The following IGSF11 variants were observed in gnomAD, a reference collection of about 807,000 sequenced individuals.
IGSF11 encodes the protein immunoglobulin superfamily member 11.
A neutral mutation model predicts 41.0 loss-of-function variants in IGSF11; 22 were observed. The observed-to-expected ratio is 0.54, with a 90% confidence interval of 0.38 to 0.77. The LOEUF is 0.77. Among genes scored for constraint, IGSF11 ranks in the 30% least tolerant of loss-of-function variants. The pLI, the probability that IGSF11 is intolerant of heterozygous loss-of-function variation, is 0.00. For synonymous variants in IGSF11, 219 were observed against 201.3 expected (o/e 1.09, Z -0.74); for missense variants, 444 against 530.8 (o/e 0.84, Z 1.61).
At chr3:119,011,120 G>A (rs909909833) in intron 1 of IGSF11, among the ~76,000 whole-genome samples, 5 of 152,174 alleles carry the variant, frequency 3.3e-5, no homozygotes, top group African/African-American at 1.2e-4. Flanking sequence ...GAGGGCTCTG[G>A]CAAGTGACCA....
At chr3:119,124,266 CTTTTTTT>C (rs567233919) in intron 1 of IGSF11, among the ~76,000 whole-genome samples, 9 of 79,480 alleles carry the variant, frequency 1.1e-4, no homozygotes, top group Non-Finnish European at 9.6e-5. Flanking sequence ...ACATCAGAGC[CTTTTTTT>C]TTTTTTTTTT....
chr3:118,920,870 AC>A (rs1324939810), intron 4 of IGSF11, among the ~76,000 whole-genome samples: 1 of 152,136 alleles, frequency 6.6e-6, no homozygotes, highest in East Asian at 1.9e-4. Flanking sequence ...ATACCCTAAC[AC>A]CTGCAATATA....
intron 4 of IGSF11, among the ~76,000 whole-genome samples, chr3:118,916,951 T>A (rs1394353769): frequency 6.6e-6 from 1 of 151,932 alleles, no homozygotes; most frequent in African/African-American, 2.4e-5. Context: ...GGATTAAGAA[T>A]CTCACTCAAA....
chr3:118,976,486 C>T (rs2107627897), intron 1 of IGSF11, among the ~76,000 whole-genome samples: 1 of 152,290 alleles, frequency 6.6e-6, no homozygotes, highest in South Asian at 2.1e-4. Flanking sequence ...CACCTACTTC[C>T]CAGTATCTCA....
intron 1 of IGSF11, among the ~76,000 whole-genome samples, chr3:119,142,594 G>T (rs1407111486): frequency 6.6e-6 from 1 of 152,090 alleles, no homozygotes; most frequent in African/African-American, 2.4e-5. Context: ...TAGAGCCTCA[G>T]AGACCTATAA....
At chr3:119,079,174 A>G (rs149118571) in intron 1 of IGSF11, among the ~76,000 whole-genome samples, 6 of 152,258 alleles carry the variant, frequency 3.9e-5, no homozygotes, top group East Asian at 1.9e-4. Context: ...CCTGATCAAC[A>G]TGGTGAAATC....
At position 118,961,563 on chromosome 3, in the gene IGSF11, G is replaced by GA. The variant is rs538107000; in HGVS notation, c.53-31289dup. ...CAGTGAATAAGTTAGAAATTGCATA[G>GA]AAAAATAAACTCTAAAAACATAGGA... On this transcript the variant is annotated intron_variant, in intron 1 of 6. Coordinates refer to ENST00000393775, the MANE Select transcript of IGSF11 (RefSeq NM_001015887.3). Among the ~76,000 whole-genome samples the GA allele has an allele frequency of 4.6e-5, 7 of 152,218 alleles. No homozygotes were observed. In the South Asian group the frequency reaches 1.5e-3, roughly 32 times the overall value.
chr3:119,046,798 T>G (rs953414823), intron 1 of IGSF11, among the ~76,000 whole-genome samples: 1 of 151,802 alleles, frequency 6.6e-6, no homozygotes, highest in Non-Finnish European at 1.5e-5. Context: ...AGCGGATCTC[T>G]CGGCAGAAAC....
intron 4 of IGSF11, among the ~76,000 whole-genome samples, chr3:118,917,350 T>G (rs1451774174): frequency 6.7e-6 from 1 of 150,108 alleles, no homozygotes; most frequent in Non-Finnish European, 1.5e-5. Context: ...ACAAAATTGA[T>G]AGACCACTAG....
intron 1 of IGSF11, among the ~76,000 whole-genome samples, chr3:118,939,382 C>T (rs1331596384): frequency 2.0e-5 from 3 of 151,930 alleles, no homozygotes; most frequent in African/African-American, 7.3e-5. Flanking sequence ...TCAAGACCAG[C>T]CTGGCCAACA....
At chr3:119,039,274 G>C (rs1343190296), upstream of IGSF11, among the ~76,000 whole-genome samples, 3 of 152,208 alleles carry the variant, frequency 2.0e-5, no homozygotes, top group Non-Finnish European at 4.4e-5. Context: ...GGACAAGGCT[G>C]TGTTCCTTTC....
At chr3:119,062,139 C>G (rs1942073422) in intron 1 of IGSF11, among the ~76,000 whole-genome samples, 1 of 152,074 alleles carries the variant, frequency 6.6e-6, no homozygotes, top group South Asian at 2.1e-4. Context: ...CCTGGCAAGT[C>G]TGATTAGCTG....
intron 1 of IGSF11, among the ~76,000 whole-genome samples, chr3:118,987,157 C>T (rs985192926): frequency 2.6e-5 from 4 of 152,204 alleles, no homozygotes; most frequent in African/African-American, 4.8e-5. Context: ...GGTGCTTCCA[C>T]ATTTTGGTAT....
chr3:119,023,631 A>G (rs975929693), intron 1 of IGSF11, among the ~76,000 whole-genome samples: 2 of 152,222 alleles, frequency 1.3e-5, no homozygotes, highest in African/African-American at 4.8e-5. Flanking sequence ...TACATGAAGT[A>G]GAAGAAAAAG....
chr3:118,953,905 A>AG (rs1363068763), intron 1 of IGSF11, among the ~76,000 whole-genome samples: 2 of 152,074 alleles, frequency 1.3e-5, no homozygotes, highest in Non-Finnish European at 2.9e-5. Flanking sequence ...TTTTAGTTTA[A>AG]TTAAGTCCCA....
intron 1 of IGSF11, among the ~76,000 whole-genome samples, chr3:119,125,079 A>T (rs1410772237): frequency 6.6e-6 from 1 of 152,252 alleles, no homozygotes; most frequent in Non-Finnish European, 1.5e-5. Context: ...TTCAAACATG[A>T]AGGAAAAATA....
At chr3:119,026,075 C>A (rs1939793472) in intron 1 of IGSF11, among the ~76,000 whole-genome samples, 1 of 152,036 alleles carries the variant, frequency 6.6e-6, no homozygotes, top group Admixed American at 6.6e-5. Context: ...TCGAGACCAG[C>A]CTGACCAACA....
At chr3:118,954,213 G>T (rs990807362) in intron 1 of IGSF11, among the ~76,000 whole-genome samples, 4 of 152,078 alleles carry the variant, frequency 2.6e-5, no homozygotes, top group African/African-American at 7.2e-5. Context: ...TCAGGTGGTT[G>T]TAAGTATTTG....
rs532784005 is a variant in IGSF11 at position 118,954,387 on chromosome 3, G to C, written c.53-24112C>G. Among the ~76,000 whole-genome samples the C allele has an allele frequency of 3.9e-5, 6 of 152,136 alleles. 1 individual carries two copies. In the South Asian group the frequency reaches 1.0e-3, roughly 26 times the overall value. ...TACTTAGCCTTGTTTGGCTATGAAG[G>C]CTTTTTTGGGGGGTTCCATATAAAT... On this transcript the variant is annotated intron_variant, in intron 1 of 6. Coordinates refer to ENST00000393775, the MANE Select transcript of IGSF11 (RefSeq NM_001015887.3).
Sources: gnomAD v4.1 joint callset for allele counts (sites outside exome capture counted in the v4.1 genomes callset) on GRCh38, gnomAD v4.1.1 for gene constraint, MANE v1.5 for transcripts, NCBI Gene and HGNC (gene_info 2026-07-23, HGNC 2026-07-21) for gene names.